Variants in RBPMS observed in about 807,000 individuals in gnomAD.
RBPMS encodes RNA-binding protein with multiple splicing.
Under a neutral mutation model 26.8 loss-of-function variants are expected in RBPMS, and 7 were observed. The ratio of observed to expected loss-of-function variants is 0.26; its 90% CI spans 0.15 to 0.49. RBPMS has a LOEUF of 0.49. RBPMS is among the 20% of genes least tolerant of loss of function. The pLI is 0.98. For synonymous variants in RBPMS, 96 were observed against 93.3 expected (o/e 1.03, Z -0.17); for missense variants, 186 against 250.0 (o/e 0.74, Z 1.73).
intron 6 of RBPMS, chr8:30,547,572 G>A: frequency 8.4e-7 from 1 of 1,183,786 alleles, no homozygotes; most frequent in South Asian, 1.7e-5. Flanking sequence ...TTGGAGCAAA[G>A]GTGTTACTCT....
chr8:30,559,975 T>TA (rs1228418255), intron 7 of RBPMS, among the ~76,000 whole-genome samples: 2 of 152,324 alleles, frequency 1.3e-5, no homozygotes, highest in East Asian at 3.9e-4. Flanking sequence ...GCCATTTAGA[T>TA]AGACTCTTCT....
At position 30,544,558 on chromosome 8, in the gene RBPMS, C is replaced by T. The variant is rs1825705005; in HGVS notation, c.462C>T (p.Tyr154=). The T allele has an allele frequency of 6.2e-7, 1 of 1,614,198 alleles. No homozygotes were observed. The highest frequency in any genetic ancestry group is 8.5e-7 in the Non-Finnish European group (1 of 1,180,042). ...SPEVWAPYPL[Y]PAELAPALPP... is the part of the protein sequence containing the mutation. Reference sequence around the variant, plus strand: ...AAGTGTGGGCCCCGTACCCTCTGTACCCAGCGGAGTTAGCGCCTGCTCTAC... The same window carrying T: ...AAGTGTGGGCCCCGTACCCTCTGTATCCAGCGGAGTTAGCGCCTGCTCTAC... The change falls in exon 6 of 9, where the codon TAC becomes TAT. Residue 154 remains tyrosine, a synonymous_variant. Transcript: ENST00000397323.
rs1825776990 is a variant in RBPMS, at chr8:30,545,255, A to G, written c.528+631A>G. 3 of 1,226,022 alleles carry G rather than the reference A, an allele frequency of 2.4e-6. No individual in the cohort carries two copies. In the African/African-American group the frequency reaches 4.8e-5, roughly 19 times the overall value. 75.9% of individuals were successfully genotyped at this position (1,226,022 alleles called of 1,614,324 possible). On this transcript the variant is annotated intron_variant, in intron 6 of 8. Coordinates refer to ENST00000397323, the MANE Select transcript of RBPMS (RefSeq NM_001008710.3). ...TCTATTCTGACCAGCTTTCTTTCTTAGTTAAAAATAGCCTGATTTTTATAA... is the reference window on the plus strand; with the variant it reads ...TCTATTCTGACCAGCTTTCTTTCTTGGTTAAAAATAGCCTGATTTTTATAA...
intron 1 of RBPMS, among the ~76,000 whole-genome samples, chr8:30,472,676 A>C (rs374309228): frequency 1.3e-5 from 2 of 152,270 alleles, no homozygotes; most frequent in Non-Finnish European, 2.9e-5. Context: ...AAACATACTT[A>C]CATGCAAATG....
At chr8:30,418,200 ATC>A (rs1810324937) in intron 1 of RBPMS, among the ~76,000 whole-genome samples, 2 of 152,204 alleles carry the variant, frequency 1.3e-5, no homozygotes, top group South Asian at 4.1e-4. Flanking sequence ...TTATAGTCCC[ATC>A]TAGCTTGTCC....
intron 5 of RBPMS, among the ~76,000 whole-genome samples, 170 bp from the exon 6 acceptor site, chr8:30,544,324 C>G (rs1825686208): frequency 6.6e-6 from 1 of 152,174 alleles, no homozygotes; most frequent in Non-Finnish European, 1.5e-5. Context: ...TTTTCGTTCC[C>G]TTACTTAGCA....
At chr8:30,421,760 T>C (rs1585406814) in intron 1 of RBPMS, among the ~76,000 whole-genome samples, 1 of 152,184 alleles carries the variant, frequency 6.6e-6, no homozygotes, top group Non-Finnish European at 1.5e-5. Context: ...ATCGAGACCA[T>C]CCTGGCCAAC....
At chr8:30,554,500 A>C (rs1212013440) in intron 6 of RBPMS, among the ~76,000 whole-genome samples, 1 of 152,170 alleles carries the variant, frequency 6.6e-6, no homozygotes, top group Non-Finnish European at 1.5e-5. Context: ...GAAGGGACCA[A>C]ATTGTGCATT....
rs373630686 is a variant in RBPMS, at chr8:30,511,582, T to C, written c.397+7146T>C. 6.7e-5 allele frequency among the ~76,000 whole-genome samples: 10 copies of C among 148,586 alleles called. No homozygotes were observed. In the East Asian group the frequency reaches 1.4e-3, roughly 20 times the overall value. On this transcript the variant is annotated intron_variant, in intron 5 of 8. Transcript: ENST00000397323. The stretch of plus-strand genomic sequence containing the variant: ...AGATATATATATTTGTGTATATATG[T>C]GTATAGATATATATATTTGTGTATA...
chr8:30,452,829 C>A (rs1240095902), intron 1 of RBPMS, among the ~76,000 whole-genome samples: 1 of 152,172 alleles, frequency 6.6e-6, no homozygotes, highest in Non-Finnish European at 1.5e-5. Context: ...TGCTATTTGT[C>A]TAAAAACTAT....
chr8:30,541,869 C>CA (rs1431297993), intron 5 of RBPMS, among the ~76,000 whole-genome samples: 3 of 152,176 alleles, frequency 2.0e-5, no homozygotes, highest in Admixed American at 6.5e-5. Flanking sequence ...AAAAAGCAAA[C>CA]AAACGCAAAA....
chr8:30,469,616 C>T (rs1222231572), intron 1 of RBPMS, among the ~76,000 whole-genome samples: 1 of 152,212 alleles, frequency 6.6e-6, no homozygotes. Flanking sequence ...ATGTTGTGTA[C>T]TTGTCTAAGA....
In RBPMS at chr8:30,533,226, T is replaced by C. The variant is rs955272821; in HGVS notation, c.398-11268T>C. ...CTCTCAGAAAACATTTTTTATTCAC[T>C]GCGATCATGGAGTATGCAGGGGGAT... On this transcript the variant is annotated intron_variant, in intron 5 of 8. Transcript: ENST00000397323. Among the ~76,000 whole-genome samples the C allele has an allele frequency of 1.2e-4, 19 of 152,320 alleles. 2 individuals carry two copies. Among genetic ancestry groups the C allele is most frequent in the South Asian group, 8.3e-4 (4 of 4,822 alleles).
intron 4 of RBPMS, among the ~76,000 whole-genome samples, chr8:30,501,041 A>C (rs1025952552): frequency 5.3e-5 from 8 of 152,146 alleles, no homozygotes; most frequent in Admixed American, 3.9e-4. Context: ...GCAAATTTTC[A>C]GATTCCATCT....
At chr8:30,538,386 C>G (rs1167082299) in intron 5 of RBPMS, among the ~76,000 whole-genome samples, 4 of 152,108 alleles carry the variant, frequency 2.6e-5, no homozygotes, top group Non-Finnish European at 5.9e-5. Flanking sequence ...TCCCAAGTAG[C>G]TGGGACTACA....
At chr8:30,530,787 T>G (rs934344604) in intron 5 of RBPMS, among the ~76,000 whole-genome samples, 2 of 152,154 alleles carry the variant, frequency 1.3e-5, no homozygotes, top group Non-Finnish European at 2.9e-5. Context: ...TCTTAAACCC[T>G]TTATCTTTTC....
chr8:30,562,326 C>CGG (rs148034423), intron 7 of RBPMS, among the ~76,000 whole-genome samples: 1 of 90,176 alleles, frequency 1.1e-5, no homozygotes. Flanking sequence ...GCAAGACTGT[C>CGG]GAAAAAAAAA....
At chr8:30,461,711 G>C (rs1317122264) in intron 1 of RBPMS, among the ~76,000 whole-genome samples, 2 of 152,108 alleles carry the variant, frequency 1.3e-5, no homozygotes, top group Admixed American at 6.5e-5. Flanking sequence ...ACAGTTCTAA[G>C]AATACAGAGA....
chr8:30,521,256 T>C (rs1822989859), intron 5 of RBPMS, among the ~76,000 whole-genome samples: 1 of 152,222 alleles, frequency 6.6e-6, no homozygotes, highest in Non-Finnish European at 1.5e-5. Flanking sequence ...GACAGTGATA[T>C]GGGTGGGTTT....
Sources: gnomAD v4.1 joint callset for allele counts (sites outside exome capture counted in the v4.1 genomes callset) on GRCh38, gnomAD v4.1.1 for gene constraint, MANE v1.5 for transcripts, NCBI Gene and HGNC (gene_info 2026-07-23, HGNC 2026-07-21) for gene names.